The following ANKRD50 variants were observed in gnomAD, a reference collection of about 807,000 sequenced individuals.
ANKRD50 encodes the protein ankyrin repeat domain 50.
A neutral mutation model predicts 112.0 loss-of-function variants in ANKRD50; 40 were observed. The observed-to-expected ratio is 0.36, with a 90% CI of 0.28 to 0.46. The LOEUF is 0.46. Ranked by LOEUF, ANKRD50 falls within the 20% of genes least tolerant of loss-of-function variation. The pLI, the probability that ANKRD50 is intolerant of heterozygous loss-of-function variation, is 1.00. For synonymous variants in ANKRD50, 613 were observed against 619.1 expected (o/e 0.99, Z 0.15); for missense variants, 1,487 against 1,701.7 (o/e 0.87, Z 2.22).
chr4:124,669,762 A>C lies in ANKRD50; in HGVS notation c.3515T>G (p.Val1172Gly), dbSNP rs765415171. ...SSPSESPDST[V>G]DRQKSSLSNN... The stretch of plus-strand genomic sequence containing the variant: ...TGACAGTGATGACTTCTGCCGGTCA[A>C]CTGTAGAATCTGGAGATTCTGAAGG... Residue 1172 changes from valine to glycine, a missense_variant, in exon 4 of 5, where the codon GTT becomes GGT. Val to Gly is a moderately radical substitution (Grantham distance 109). Coordinates refer to ENST00000504087, the MANE Select transcript of ANKRD50 (RefSeq NM_020337.3). 10 of 1,613,146 alleles carry C rather than the reference A, an allele frequency of 6.2e-6. No homozygotes were observed. The highest frequency in any genetic ancestry group is 8.5e-6 in the Non-Finnish European group (10 of 1,179,738).
At chr4:124,711,629 A>C (rs1429324016) in intron 1 of ANKRD50, among the ~76,000 whole-genome samples, 1 of 152,166 alleles carries the variant, frequency 6.6e-6, no homozygotes, top group Non-Finnish European at 1.5e-5. Flanking sequence ...AGCGCCAGCT[A>C]AGGAAGCTCT....
intron 2 of ANKRD50, among the ~76,000 whole-genome samples, chr4:124,691,748 C>A (rs965582787): frequency 2.6e-5 from 4 of 152,078 alleles, no homozygotes; most frequent in Non-Finnish European, 4.4e-5. Flanking sequence ...ATGAAAAATA[C>A]ACTTTTCTCT....
At position 124,664,080 on chromosome 4, in the gene ANKRD50, T is replaced by G. The variant is rs565880990; in HGVS notation, c.*3438A>C. ...AGTGAAGAAACACACAAATTTTATT[T>G]AGAAAATGAATGACCATGTTTGCAA... On this transcript the variant is annotated 3_prime_UTR_variant, in exon 5 of 5. Transcript: ENST00000504087. 1 of 152,080 alleles carries G rather than the reference T, an allele frequency of 6.6e-6. No homozygotes were observed. The highest frequency in any genetic ancestry group is 2.4e-5 in the African/African-American group (1 of 41,526). The allele number at this position is 152,080 out of a possible 1,614,324, so 9.4% of individuals were successfully genotyped here.
chr4:124,702,294 T>A (rs539575276), intron 2 of ANKRD50, among the ~76,000 whole-genome samples: 1 of 152,152 alleles, frequency 6.6e-6, no homozygotes, highest in Admixed American at 6.5e-5. Flanking sequence ...GAAAAATGAA[T>A]GAAGTAAGTA....
At chr4:124,709,265 A>G (rs1193835007) in intron 2 of ANKRD50, among the ~76,000 whole-genome samples, 2 of 152,136 alleles carry the variant, frequency 1.3e-5, no homozygotes, top group Non-Finnish European at 2.9e-5. Context: ...AATGTTTTCA[A>G]GGAATTATAT....
chr4:124,710,498 C>T lies in ANKRD50; in HGVS notation c.14G>A (p.Trp5Ter), dbSNP rs1725605335. The T allele has an allele frequency of 6.2e-7, 1 of 1,611,476 alleles. No homozygotes were observed. The highest frequency in any genetic ancestry group is 1.1e-5 in the South Asian group (1 of 90,992). The change falls in exon 2 of 5, where the codon TGG becomes TAG. Residue 5 changes from tryptophan (W) to a stop codon, truncating the protein, a stop_gained. Transcript: ENST00000504087. LOFTEE classifies it high-confidence loss of function. ...AGCCATTTTGCAGACTTTCTCTTCC[C>T]AAGGATTAGTCATAACGGGTTTTTT... MTNP[W>*]EEKVCKMAQT...
rs1328045264 is a variant in ANKRD50, at chr4:124,670,884, T to C, written c.2393A>G (p.Asn798Ser). The change falls in exon 4 of 5, where the codon AAT becomes AGT. Residue 798 changes from asparagine (N) to serine (S), a missense_variant. Asn to Ser is a conservative substitution (Grantham distance 46, BLOSUM62 1). Around this residue, in one of 2 missense-constraint regions of ANKRD50, gnomAD observed 1,046 missense variants for 1,269.5 expected, o/e 0.82. Transcript: ENST00000504087. ...AGCTGCACCCCAAAACAAAAGTGTATTTACAACTGATGCATGACCCATAGA... is the reference window on the plus strand; with the variant it reads ...AGCTGCACCCCAAAACAAAAGTGTACTTACAACTGATGCATGACCCATAGA... ...AASMGHASVV[N>S]TLLFWGAAVD... 1 of 1,613,822 alleles carries C rather than the reference T, an allele frequency of 6.2e-7. No homozygotes were observed. The highest frequency in any genetic ancestry group is 8.5e-7 in the Non-Finnish European group (1 of 1,179,868).
At chr4:124,684,150 T>C (rs1560824470) in intron 2 of ANKRD50, among the ~76,000 whole-genome samples, 1 of 152,186 alleles carries the variant, frequency 6.6e-6, no homozygotes, top group Admixed American at 6.5e-5. Context: ...GATGAAAACA[T>C]TTTTTATGGT....
chr4:124,679,360 C>A (rs955320895), intron 2 of ANKRD50, among the ~76,000 whole-genome samples: 1 of 152,086 alleles, frequency 6.6e-6, no homozygotes, highest in Non-Finnish European at 1.5e-5. Flanking sequence ...CACCACTTTT[C>A]CCACAAAATT....
chr4:124,705,963 G>A (rs1463324442), intron 2 of ANKRD50, among the ~76,000 whole-genome samples: 1 of 151,946 alleles, frequency 6.6e-6, no homozygotes, highest in East Asian at 1.9e-4. Flanking sequence ...ACTTTAACCA[G>A]ATACGAAAAA....
At chr4:124,680,212 A>G (rs1284967842) in intron 2 of ANKRD50, among the ~76,000 whole-genome samples, 2 of 152,182 alleles carry the variant, frequency 1.3e-5, no homozygotes, top group African/African-American at 4.8e-5. Context: ...AACTGTAAGC[A>G]TCAAGAGAGA....
chr4:124,710,292 A>C lies in ANKRD50; in HGVS notation c.220T>G (p.Leu74Val), dbSNP rs1362887317. 3 of 1,614,152 alleles carry C rather than the reference A, an allele frequency of 1.9e-6. No individual in the cohort carries two copies. Among genetic ancestry groups the C allele is most frequent in the Admixed American group, 3.3e-5 (2 of 60,014 alleles). Residue 74 changes from leucine to valine, a missense_variant, in exon 2 of 5, where the codon TTG (leucine) becomes GTG (valine). Coordinates refer to ENST00000504087, the MANE Select transcript of ANKRD50 (RefSeq NM_020337.3). ...CCACTGCCAGGCCCTCCTACCAACA[A>C]CACACCCCAGGCAGCTCCCTTTCCA... is the stretch of plus-strand genomic sequence containing the variant. The part of the protein sequence containing the change: ...VSGKGAAWGV[L>V]LVGGPGSGKT...
At chr4:124,668,291 A>C (rs1320156986) in intron 4 of ANKRD50, among the ~76,000 whole-genome samples, 1 of 152,020 alleles carries the variant, frequency 6.6e-6, no homozygotes, top group African/African-American at 2.4e-5. Context: ...AAAAACATCC[A>C]TTTATCATTT....
chr4:124,689,839 GT>G (rs1455346830), intron 2 of ANKRD50, among the ~76,000 whole-genome samples: 1 of 152,132 alleles, frequency 6.6e-6, no homozygotes, highest in Admixed American at 6.5e-5. Flanking sequence ...ATATGGCTCT[GT>G]TTGTCTAGAG....
At chr4:124,697,414 G>A (rs889299635) in intron 2 of ANKRD50, among the ~76,000 whole-genome samples, 3 of 152,076 alleles carry the variant, frequency 2.0e-5, no homozygotes, top group African/African-American at 7.2e-5. Flanking sequence ...GTTGGGAGGT[G>A]GTCAATTTAA....
At chr4:124,682,188 C>T (rs1022182785) in intron 2 of ANKRD50, among the ~76,000 whole-genome samples, 1 of 151,848 alleles carries the variant, frequency 6.6e-6, no homozygotes, top group East Asian at 1.9e-4. Context: ...CGGTGGCAGG[C>T]GCCTGTAGTC....
In ANKRD50 at chr4:124,669,918, G is replaced by A. The variant is rs1324706229; in HGVS notation, c.3359C>T (p.Pro1120Leu). 1.2e-6 allele frequency: 2 copies of A among 1,613,484 alleles called. No homozygotes were observed. Among genetic ancestry groups the A allele is most frequent in the Non-Finnish European group, 8.5e-7 (1 of 1,179,776 alleles). ...PSPVHTMEQK[P>L]LQSLSSKVQS... ...CACTTTTGAAGACAATGACTGTAGA[G>A]GTTTTTGCTCCATTGTGTGAACAGG... Residue 1120 changes from proline to leucine, a missense_variant, in exon 4 of 5, where the codon CCT becomes CTT. This residue lies in a region of ANKRD50 where 441 missense variants were observed against 432.2 expected (regional missense o/e 1.02). Transcript: ENST00000504087.
At chr4:124,677,790 CATATAAAATA>C (rs1465114781) in intron 3 of ANKRD50, among the ~76,000 whole-genome samples, 13 of 151,626 alleles carry the variant, frequency 8.6e-5, no homozygotes, top group African/African-American at 3.1e-4. Flanking sequence ...GAGCTGAAAG[CATATAAAATA>C]AGTGAATAAT....
At chr4:124,691,066 A>C (rs1452138507) in intron 2 of ANKRD50, among the ~76,000 whole-genome samples, 1 of 152,204 alleles carries the variant, frequency 6.6e-6, no homozygotes, top group Non-Finnish European at 1.5e-5. Flanking sequence ...GAAAGGAAGA[A>C]AGGACAAGGA....
Sources: allele counts gnomAD v4.1 joint callset (sites outside exome capture counted in the v4.1 genomes callset), GRCh38; gene constraint gnomAD v4.1.1; regional missense constraint gnomAD v4.1.1; transcripts MANE v1.5; gene names NCBI Gene and HGNC (gene_info 2026-07-23, HGNC 2026-07-21).